CEP170: variants seen among roughly 807,000 people sequenced by gnomAD.
CEP170 encodes centrosomal protein 170.
A neutral mutation model predicts 151.9 loss-of-function variants in CEP170; 21 were observed. That is an observed-to-expected ratio of 0.14 (90% CI 0.10 to 0.20). CEP170 has a LOEUF of 0.20. Among genes scored for constraint, CEP170 ranks in the 10% least tolerant of loss-of-function variants. The pLI is 1.00. For synonymous variants in CEP170, 356 were observed against 648.8 expected, an observed-to-expected ratio of 0.55 and a Z score of 6.86; for missense variants, 964 against 1,892.9, an observed-to-expected ratio of 0.51 and a Z score of 9.11.
chr1:243,210,365 T>A (rs1243638401), intron 4 of CEP170, among the ~76,000 whole-genome samples: 1 of 152,116 alleles, frequency 6.6e-6, no homozygotes, highest in Non-Finnish European at 1.5e-5. Flanking sequence ...TACTTGTATT[T>A]GTTCTTGATG....
Position 243,159,890 on chromosome 1 carries a change from G to A in CEP170, c.3677-3435C>T, listed in dbSNP as rs187788808. On this transcript the variant is annotated intron_variant, in intron 13 of 19. Coordinates refer to ENST00000366542, the MANE Select transcript of CEP170 (RefSeq NM_014812.3). ...TGCAATCTCCACCTCCCAGGTTCAAGCAATTCTCCTGCCTCAGCCTCCAGA... is the reference window on the plus strand; with the variant it reads ...TGCAATCTCCACCTCCCAGGTTCAAACAATTCTCCTGCCTCAGCCTCCAGA... Among the ~76,000 whole-genome samples the A allele has an allele frequency of 1.3e-3, 192 of 151,596 alleles. 1 individual carries two copies. Among genetic ancestry groups the A allele is most frequent in the African/African-American group, 4.5e-3 (185 of 41,296 alleles).
At chr1:243,235,218 G>A (rs1368218427) in intron 1 of CEP170, among the ~76,000 whole-genome samples, 1 of 152,138 alleles carries the variant, frequency 6.6e-6, no homozygotes, top group Non-Finnish European at 1.5e-5. Flanking sequence ...AAAGAAACAT[G>A]AAAAAACAAA....
intron 1 of CEP170, among the ~76,000 whole-genome samples, chr1:243,230,967 TAGAA>T (rs1022270412): frequency 2.0e-5 from 3 of 151,466 alleles, no homozygotes; most frequent in African/African-American, 4.9e-5. Context: ...CCTAAAGAAA[TAGAA>T]AGAATTTTGA....
chr1:243,243,497 GATTTATTTATTTATTT>G (rs35889417), intron 1 of CEP170, among the ~76,000 whole-genome samples: 10 of 145,962 alleles, frequency 6.9e-5, no homozygotes, highest in South Asian at 2.2e-4. Flanking sequence ...TTACCATTCT[GATTTATTTATTTATTT>G]ATTTATTTAT....
At chr1:243,175,605 A>C (rs2059176970) in intron 10 of CEP170, among the ~76,000 whole-genome samples, 1 of 152,174 alleles carries the variant, frequency 6.6e-6, no homozygotes, top group Admixed American at 6.5e-5. Context: ...AGTCTGAAAA[A>C]AGAGCTGATA....
upstream of CEP170, among the ~76,000 whole-genome samples, chr1:243,255,701 A>G (rs1316997335): frequency 6.6e-6 from 1 of 152,250 alleles, no homozygotes; most frequent in Non-Finnish European, 1.5e-5. Context: ...CTGGGGATCA[A>G]CTGCTGCATA....
intron 7 of CEP170, among the ~76,000 whole-genome samples, chr1:243,194,606 A>ATAAAAACTTC (rs2060519784): frequency 6.6e-6 from 1 of 151,958 alleles, no homozygotes; most frequent in Non-Finnish European, 1.5e-5. Flanking sequence ...ATAAAAACAG[A>ATAAAAACTTC]TGAAGTGTGG....
chr1:243,198,177 T>C (rs2060787496), intron 7 of CEP170, among the ~76,000 whole-genome samples: 1 of 152,098 alleles, frequency 6.6e-6, no homozygotes, highest in Non-Finnish European at 1.5e-5. Context: ...TTCTGGATCC[T>C]TGTCTGCTGT....
intron 10 of CEP170, among the ~76,000 whole-genome samples, chr1:243,179,764 C>T (rs1261502524): frequency 1.3e-5 from 2 of 152,188 alleles, no homozygotes; most frequent in Non-Finnish European, 2.9e-5. Flanking sequence ...GTGTCTATTA[C>T]ATGCCAGACA....
chr1:243,210,663 A>G (rs2148902260), intron 4 of CEP170, among the ~76,000 whole-genome samples: 1 of 113,792 alleles, frequency 8.8e-6, no homozygotes, highest in East Asian at 3.0e-4. Context: ...TTGCCAGGCT[A>G]CAGTGCAGTA....
At position 243,225,220 on chromosome 1, in the gene CEP170, C is replaced by G; in HGVS notation, c.61G>C (p.Glu21Gln). 1.2e-6 allele frequency: 2 copies of G among 1,601,630 alleles called. No homozygotes were observed. Among genetic ancestry groups the G allele is most frequent in the Non-Finnish European group, 1.7e-6 (2 of 1,174,746 alleles). Reference sequence around the variant, plus strand: ...TCATCTCTTCCAACAAAAATCATTTCTCGTGGCAGCCTGTGGCGAGTGCCT... The same window carrying G: ...TCATCTCTTCCAACAAAAATCATTTGTCGTGGCAGCCTGTGGCGAGTGCCT... The part of the protein sequence containing the change: ...SGGTRHRLPR[E>Q]MIFVGRDDCE... Residue 21 changes from glutamate to glutamine, a missense_variant, in exon 2 of 20, where the codon GAA becomes CAA. Glu to Gln is a conservative substitution (Grantham distance 29). Coordinates refer to ENST00000366542, the MANE Select transcript of CEP170 (RefSeq NM_014812.3).
chr1:243,235,575 T>C (rs368394790), intron 1 of CEP170, among the ~76,000 whole-genome samples: 2 of 152,110 alleles, frequency 1.3e-5, no homozygotes, highest in South Asian at 2.1e-4. Context: ...TTTACCTTTA[T>C]CATCTGCCAT....
chr1:243,171,828 T>C (rs530102576), intron 11 of CEP170, among the ~76,000 whole-genome samples: 137 of 152,202 alleles, frequency 9.0e-4, no homozygotes, highest in Non-Finnish European at 1.7e-3. Flanking sequence ...AAACAGAAGA[T>C]AAGGGAGAAG....
rs527759118 is a variant in CEP170, at chr1:243,135,355, C to T, written c.4319+788G>A. Among the ~76,000 whole-genome samples, 140 of 152,060 alleles carry T rather than the reference C, an allele frequency of 9.2e-4. 1 individual carries two copies. The highest frequency in any genetic ancestry group is 1.6e-3 in the Non-Finnish European group (109 of 67,964). Reference sequence around the variant, plus strand: ...CCGAGTAACTGGGACTACAGGCGCCCGCCACCACGCCCGGCTAATTTTTTT... The same window carrying T: ...CCGAGTAACTGGGACTACAGGCGCCTGCCACCACGCCCGGCTAATTTTTTT... On this transcript the variant is annotated intron_variant, in intron 17 of 19. Coordinates refer to ENST00000366542, the MANE Select transcript of CEP170 (RefSeq NM_014812.3).
chr1:243,136,279 T>G (rs535424955), intron 16 of CEP170, 48 bp from the exon 17 acceptor site: 1,590 of 1,298,392 alleles, frequency 1.2e-3, no homozygotes, highest in Non-Finnish European at 1.6e-3. Context: ...TACCCCTGTA[T>G]TGTATAACTA....
chr1:243,135,290 T>C (rs1405004094), intron 17 of CEP170, among the ~76,000 whole-genome samples: 2 of 152,126 alleles, frequency 1.3e-5, no homozygotes, highest in Admixed American at 6.6e-5. Context: ...CACTGGAAGC[T>C]CTGCCTCCCG....
intron 8 of CEP170, among the ~76,000 whole-genome samples, chr1:243,189,510 C>T (rs576309764): frequency 2.7e-5 from 4 of 147,636 alleles, no homozygotes; most frequent in Admixed American, 1.4e-4. Context: ...GAGCCGAGAT[C>T]GCGCCACTGC....
At chr1:243,152,356 A>G (rs1468595658) in intron 14 of CEP170, among the ~76,000 whole-genome samples, 3 of 146,694 alleles carry the variant, frequency 2.0e-5, no homozygotes, top group East Asian at 2.1e-4. Context: ...AGGGTAGCTG[A>G]GACTACAGGC....
intron 10 of CEP170, among the ~76,000 whole-genome samples, chr1:243,175,934 C>T (rs1216718888): frequency 6.6e-6 from 1 of 151,890 alleles, no homozygotes; most frequent in Non-Finnish European, 1.5e-5. Flanking sequence ...GTAGCTGGGA[C>T]TACAGGCGCC....
Sources: gnomAD v4.1 joint callset for allele counts (sites outside exome capture counted in the v4.1 genomes callset) on GRCh38, gnomAD v4.1.1 for gene constraint, MANE v1.5 for transcripts, NCBI Gene and HGNC (gene_info 2026-07-23, HGNC 2026-07-21) for gene names.